ZNF469: variants seen among roughly 807,000 people sequenced by gnomAD.
The protein encoded by ZNF469 is zinc finger protein 469.
Under a neutral mutation model 1.0 loss-of-function variants are expected in ZNF469, and 1 was observed. The observed-to-expected ratio is 1.00, with a 90% confidence interval of 0.35 to 4.73. ZNF469 has a LOEUF of 4.73. Among genes scored for constraint, ZNF469 ranks in the 30% most tolerant of loss-of-function variants. The pLI, the probability that ZNF469 is intolerant of heterozygous loss-of-function variation, is 0.16. For missense variants in ZNF469, 6,100 were observed against 5,356.3 expected, an observed-to-expected ratio of 1.14 and a Z score of -4.33; for synonymous variants, 2,703 against 2,363.4, an observed-to-expected ratio of 1.14 and a Z score of -4.17.
At chr16:88,319,799 T>C in the ZNF469 span, among the ~76,000 whole-genome samples, 1 of 152,152 alleles carries the variant, frequency 6.6e-6, no homozygotes, top group Admixed American at 6.5e-5. Flanking sequence ...GCTAGAGGAC[T>C]CCCCTGCCCT....
At chr16:88,374,728 G>GGCTGAGCTCGGCGCCGTGTGCGGTGA in the ZNF469 span, among the ~76,000 whole-genome samples, 16 of 152,300 alleles carry the variant, frequency 1.1e-4, no homozygotes, top group Admixed American at 2.6e-4. Flanking sequence ...ATGTGCGGTG[G>GGCTGAGCTCGGCGCCGTGTGCGGTGA]GCTGAGCTCG....
the ZNF469 span, among the ~76,000 whole-genome samples, chr16:88,136,802 G>C: frequency 6.6e-6 from 1 of 152,252 alleles, no homozygotes; most frequent in East Asian, 1.9e-4. Flanking sequence ...GCCCAGTACA[G>C]GGCAGGGCCT....
the ZNF469 span, among the ~76,000 whole-genome samples, chr16:88,342,796 AG>A: frequency 6.6e-6 from 1 of 152,222 alleles, no homozygotes; most frequent in Non-Finnish European, 1.5e-5. Flanking sequence ...GCCTGATGCC[AG>A]CGTAGGGCGA....
intron 1 of ZNF469, among the ~76,000 whole-genome samples, chr16:88,401,465 G>GAATA (rs1904850297): frequency 6.6e-6 from 1 of 151,934 alleles, no homozygotes; most frequent in Admixed American, 6.5e-5. Flanking sequence ...ATAGGTGGGT[G>GAATA]GGCAGATGGA....
chr16:88,221,839 A>T, the ZNF469 span, among the ~76,000 whole-genome samples: 1 of 151,904 alleles, frequency 6.6e-6, no homozygotes, highest in Admixed American at 6.6e-5. Context: ...GCTTGTGGAC[A>T]CTTCAGTCCA....
the ZNF469 span, among the ~76,000 whole-genome samples, chr16:88,316,047 C>T: frequency 2.0e-5 from 3 of 152,236 alleles, no homozygotes; most frequent in Non-Finnish European, 2.9e-5. Context: ...CTGGACCACG[C>T]GTCACCAGGG....
the ZNF469 span, among the ~76,000 whole-genome samples, chr16:88,197,627 C>G: frequency 6.6e-6 from 1 of 152,224 alleles, no homozygotes; most frequent in African/African-American, 2.4e-5. Flanking sequence ...CTTACCCTCC[C>G]CATGGTTCCT....
chr16:88,431,673 G>C lies in ZNF469; in HGVS notation c.4203G>C (p.Lys1401Asn). The change falls in exon 3 of 3, where the codon AAG (lysine) becomes AAC (asparagine). Residue 1401 changes from lysine (K) to asparagine (N), a missense_variant. Transcript: ENST00000565624. ...GTTTCCTGGAAGAACTGCACCCCAA[G>C]CCCTCAGCCAGGGATGCCCCGCCGG... ...AGCFLEELHP[K>N]PSARDAPPAS... 6.4e-7 allele frequency: 1 copy of C among 1,550,414 alleles called. No homozygotes were observed. The highest frequency in any genetic ancestry group is 8.7e-7 in the Non-Finnish European group (1 of 1,146,978).
chr16:88,241,064 A>G, the ZNF469 span, among the ~76,000 whole-genome samples: 14 of 152,142 alleles, frequency 9.2e-5, no homozygotes, highest in African/African-American at 3.1e-4. The surrounding 1 kb of genome is among the most constrained non-coding windows in gnomAD (Gnocchi z 4.8). Flanking sequence ...ACGGAGCAGC[A>G]TGGGTTAAAA....
the ZNF469 span, among the ~76,000 whole-genome samples, chr16:88,353,654 C>T: frequency 6.6e-6 from 1 of 152,246 alleles, no homozygotes; most frequent in Non-Finnish European, 1.5e-5. Flanking sequence ...TGGCTCCCAA[C>T]AACTCAGTCC....
chr16:88,275,557 G>C, the ZNF469 span, among the ~76,000 whole-genome samples: 2 of 152,190 alleles, frequency 1.3e-5, no homozygotes, highest in African/African-American at 4.8e-5. Context: ...GGCCCTCACA[G>C]CATCCTTCCA....
At chr16:88,205,847 G>A in the ZNF469 span, among the ~76,000 whole-genome samples, 2 of 152,310 alleles carry the variant, frequency 1.3e-5, no homozygotes, top group Non-Finnish European at 2.9e-5. The surrounding 1 kb of genome is among the most constrained non-coding windows in gnomAD (Gnocchi z 4.2). Context: ...GCTTTAACAC[G>A]GATCTGGAAA....
At chr16:88,307,691 C>A in the ZNF469 span, among the ~76,000 whole-genome samples, 1 of 152,138 alleles carries the variant, frequency 6.6e-6, no homozygotes, top group Non-Finnish European at 1.5e-5. Context: ...TAGTTGGATT[C>A]TTGTCTTTTT....
the ZNF469 span, among the ~76,000 whole-genome samples, chr16:88,259,979 T>G: frequency 1.3e-5 from 2 of 152,144 alleles, no homozygotes; most frequent in African/African-American, 4.8e-5. This position sits in a 1 kb window ranked among gnomAD's most constrained non-coding sequence, Gnocchi z 4.1. Context: ...TTTTTTGTTT[T>G]TTTGTTTTTT....
At position 88,433,871 on chromosome 16, in the gene ZNF469, A is replaced by T. The variant is rs772920337; in HGVS notation, c.6401A>T (p.Asp2134Val). Reference sequence around the variant, plus strand: ...AGCCTTGGGCCCCTGCCCCGTGAAGACCCACTTACCTCGCCTTCCAGGGCC... The same window carrying T: ...AGCCTTGGGCCCCTGCCCCGTGAAGTCCCACTTACCTCGCCTTCCAGGGCC... Reference protein sequence around the residue: ...PCSLGPLPREDPLTSPSRAQG... With the variant: ...PCSLGPLPREVPLTSPSRAQG... The change falls in exon 3 of 3, where the codon GAC becomes GTC. Residue 2134 changes from aspartate (D) to valine (V), a missense_variant. By Grantham distance (152) the Asp-to-Val change is radical. Coordinates refer to ENST00000565624, the MANE Select transcript of ZNF469 (RefSeq NM_001367624.2). The T allele has an allele frequency of 2.5e-5, 39 of 1,548,536 alleles. No individual in the cohort carries two copies. The highest frequency in any genetic ancestry group is 3.2e-5 in the Non-Finnish European group (37 of 1,145,880).
chr16:88,176,123 G>C, the ZNF469 span, among the ~76,000 whole-genome samples: 7 of 151,832 alleles, frequency 4.6e-5, no homozygotes, highest in African/African-American at 1.7e-4. Flanking sequence ...CAGCCTGATG[G>C]CCTGAGGACG....
At chr16:88,223,789 T>A in the ZNF469 span, among the ~76,000 whole-genome samples, 1 of 152,174 alleles carries the variant, frequency 6.6e-6, no homozygotes, top group African/African-American at 2.4e-5. Context: ...TCTCAATTTG[T>A]GGTTATTTGA....
At chr16:88,175,746 AG>A in the ZNF469 span, among the ~76,000 whole-genome samples, 1 of 152,272 alleles carries the variant, frequency 6.6e-6, no homozygotes, top group Non-Finnish European at 1.5e-5. Flanking sequence ...AAGAGAAAAA[AG>A]GTCCCAAATC....
At chr16:88,168,220 T>C in the ZNF469 span, among the ~76,000 whole-genome samples, 1 of 152,234 alleles carries the variant, frequency 6.6e-6, no homozygotes, top group Admixed American at 6.5e-5. The surrounding 1 kb of genome is among the most constrained non-coding windows in gnomAD (Gnocchi z 4.3). Flanking sequence ...AGACTGAAGT[T>C]TGGTCTGAAA....
Sources: gnomAD v4.1 joint callset for allele counts (sites outside exome capture counted in the v4.1 genomes callset) on GRCh38, gnomAD v4.1.1 for gene constraint, Gnocchi (gnomAD v3.1) non-coding constraint, MANE v1.5 for transcripts, NCBI Gene and HGNC (gene_info 2026-07-23, HGNC 2026-07-21) for gene names.